IRF8: variants seen among roughly 807,000 people sequenced by gnomAD.
The protein encoded by IRF8 is interferon consensus sequence binding protein 1.
In IRF8, 14 loss-of-function variants were observed where a neutral mutation model predicts 48.7. The ratio of observed to expected loss-of-function variants is 0.29; its 90% CI spans 0.19 to 0.45. IRF8 has a LOEUF of 0.45. IRF8 is among the 20% of genes least tolerant of loss of function. The probability of loss-of-function intolerance (pLI) is 1.00; values close to 1 mark genes in which losing one functional copy is unlikely to be tolerated. For missense variants in IRF8, 493 were observed against 580.7 expected, an observed-to-expected ratio of 0.85 and a Z score of 1.55; for synonymous variants, 278 against 227.3, an observed-to-expected ratio of 1.22 and a Z score of -2.01.
chr16:85,899,598 T>A (rs1904760990), intron 1 of IRF8, among the ~76,000 whole-genome samples: 1 of 152,208 alleles, frequency 6.6e-6, no homozygotes, highest in African/African-American at 2.4e-5. Flanking sequence ...CGTGGAATAA[T>A]GCTTGGAGGG....
At chr16:85,920,544 G>A (rs1461932103) in intron 8 of IRF8, among the ~76,000 whole-genome samples, 2 of 152,120 alleles carry the variant, frequency 1.3e-5, no homozygotes, top group Non-Finnish European at 2.9e-5. Flanking sequence ...GGCAGTCTGG[G>A]CAGCTTTGAG....
intron 1 of IRF8, among the ~76,000 whole-genome samples, chr16:85,902,474 C>G (rs1016414099): frequency 1.3e-5 from 2 of 152,222 alleles, no homozygotes; most frequent in African/African-American, 4.8e-5. Context: ...AACTGCTGCT[C>G]TTATCACTGT....
At position 85,918,471 on chromosome 16, in the gene IRF8, C is replaced by A. The variant is rs1441582089; in HGVS notation, c.656C>A (p.Ala219Asp). 4.4e-6 allele frequency: 7 copies of A among 1,590,008 alleles called. No individual in the cohort carries two copies. The highest frequency in any genetic ancestry group is 6.0e-6 in the Non-Finnish European group (7 of 1,174,758). ...FYYGGKLVGQATTTCPEGCRL... is the reference protein window; with the variant it reads ...FYYGGKLVGQDTTTCPEGCRL... ...TATGGGGGCAAGCTGGTGGGCCAGG[C>A]CACCACCACCTGCCCCGAGGGCTGC... The change falls in exon 7 of 9, where the codon GCC (alanine) becomes GAC (aspartate). Residue 219 changes from alanine to aspartate, a missense_variant. Physicochemically the swap from Ala to Asp is moderately radical, Grantham distance 126 (BLOSUM62 -2). Coordinates refer to ENST00000268638, the MANE Select transcript of IRF8 (RefSeq NM_002163.4).
chr16:85,903,554 G>T, intron 2 of IRF8: 1 of 309,834 alleles, frequency 3.2e-6, no homozygotes, highest in Non-Finnish European at 6.2e-6. Context: ...TACCAGGGAA[G>T]GTTTCAGTCC....
At chr16:85,909,291 A>G in intron 3 of IRF8, 118 bp downstream of exon 3, 1 of 802,074 alleles carries the variant, frequency 1.2e-6, no homozygotes, top group Non-Finnish European at 2.1e-6. Flanking sequence ...CAGTTAAACA[A>G]AGCAGTTCTC....
intron 4 of IRF8, among the ~76,000 whole-genome samples, chr16:85,912,161 C>A (rs1026082901): frequency 6.6e-6 from 1 of 152,226 alleles, no homozygotes; most frequent in Admixed American, 6.5e-5. Flanking sequence ...GATAACCAAG[C>A]ATGTTCACAT....
At chr16:85,916,841 C>T (rs28631400) in intron 6 of IRF8, among the ~76,000 whole-genome samples, 9,749 of 152,060 alleles carry the variant, frequency 0.064, 998 homozygotes, top group African/African-American at 0.22. Context: ...TGAGGAAGAG[C>T]GAGACCAGCG....
At chr16:85,919,941 C>G (rs1023698338) in intron 7 of IRF8, among the ~76,000 whole-genome samples, 168 bp from the exon 8 acceptor site, 2 of 152,270 alleles carry the variant, frequency 1.3e-5, no homozygotes, top group African/African-American at 4.8e-5. Context: ...GCCAAACGAA[C>G]AGCTCCTTGC....
At chr16:85,906,999 G>C (rs1905025720) in intron 2 of IRF8, among the ~76,000 whole-genome samples, 1 of 152,086 alleles carries the variant, frequency 6.6e-6, no homozygotes, top group Non-Finnish European at 1.5e-5. Context: ...TGGTTTGCTG[G>C]TTTATTTCTT....
chr16:85,919,373 G>C (rs562143795), intron 7 of IRF8, among the ~76,000 whole-genome samples: 2 of 152,138 alleles, frequency 1.3e-5, no homozygotes, highest in Non-Finnish European at 2.9e-5. Flanking sequence ...CCTTCTCCAC[G>C]TCCCCATGCT....
chr16:85,921,081 C>CT, intron 8 of IRF8, 25 bp from the exon 9 acceptor site: 2 of 1,601,286 alleles, frequency 1.2e-6, no homozygotes, highest in Non-Finnish European at 8.5e-7. Flanking sequence ...GCCTCTGCCT[C>CT]TGACTTTCTG....
intron 5 of IRF8, 161 bp downstream of exon 5, chr16:85,913,397 C>T: frequency 1.5e-6 from 1 of 657,904 alleles, no homozygotes; most frequent in Non-Finnish European, 2.8e-6. Flanking sequence ...CCTGGTTTCC[C>T]AACATGAGGG....
chr16:85,912,593 G>A (rs1421932596), intron 4 of IRF8, among the ~76,000 whole-genome samples: 1 of 152,190 alleles, frequency 6.6e-6, no homozygotes, highest in Non-Finnish European at 1.5e-5. Context: ...TCTGTAGAAG[G>A]CTTTTCTGCT....
intron 2 of IRF8, 164 bp downstream of exon 2, chr16:85,903,353 A>G (rs755380993): frequency 3.4e-5 from 23 of 669,402 alleles, no homozygotes; most frequent in Non-Finnish European, 5.2e-5. Context: ...AGACATGTAC[A>G]TGAGCTGATT....
Position 85,903,029 on chromosome 16 carries a change from A to G in IRF8, c.14A>G (p.Asn5Ser), listed in dbSNP as rs1834775112. Reference protein sequence around the residue: MCDRNGGRRLRQWLI... With the variant: MCDRSGGRRLRQWLI... ...GTCTTTCCAAGGATGTGTGACCGGAATGGTGGTCGGCGGCTTCGACAGTGG... is the reference window on the plus strand; with the variant it reads ...GTCTTTCCAAGGATGTGTGACCGGAGTGGTGGTCGGCGGCTTCGACAGTGG... Residue 5 changes from asparagine (N) to serine (S), a missense_variant, in exon 2 of 9, where the codon AAT (asparagine) becomes AGT (serine). Coordinates refer to ENST00000268638, the MANE Select transcript of IRF8 (RefSeq NM_002163.4). 3.3e-5 allele frequency: 54 copies of G among 1,614,146 alleles called. No individual in the cohort carries two copies. Among genetic ancestry groups the G allele is most frequent in the Non-Finnish European group, 4.5e-5 (53 of 1,179,994 alleles).
intron 1 of IRF8, 87 bp downstream of exon 1, chr16:85,899,310 A>G (rs1904744684): frequency 6.6e-6 from 1 of 152,214 alleles, no homozygotes; most frequent in Non-Finnish European, 1.5e-5. Context: ...GTGGGGGTGG[A>G]ACTACCTACC....
chr16:85,905,034 C>A (rs925091652), intron 2 of IRF8, among the ~76,000 whole-genome samples: 1 of 152,092 alleles, frequency 6.6e-6, no homozygotes, highest in African/African-American at 2.4e-5. Context: ...TTAGTGGCAT[C>A]TCTGACCTCT....
In IRF8 at chr16:85,918,418, A is replaced by T. The variant is rs755125266; in HGVS notation, c.603A>T (p.Ala201=). 6.3e-7 allele frequency: 1 copy of T among 1,595,148 alleles called. No homozygotes were observed. Among genetic ancestry groups the T allele is most frequent in the South Asian group, 1.1e-5 (1 of 90,548 alleles). ...GYTTYDAHHS[A]FSQMVISFYY... ...TCATCGTGTCCCTCTTGTCCACAGC[A>T]TTCTCCCAGATGGTGATCAGCTTCT... is the stretch of plus-strand genomic sequence containing the variant. The change falls in exon 7 of 9, where the codon GCA becomes GCT. Residue 201 remains alanine (A), a splice_region_variant and synonymous_variant. Coordinates refer to ENST00000268638, the MANE Select transcript of IRF8 (RefSeq NM_002163.4).
At chr16:85,899,552 T>A (rs1188496138) in intron 1 of IRF8, among the ~76,000 whole-genome samples, 1 of 152,180 alleles carries the variant, frequency 6.6e-6, no homozygotes, top group Non-Finnish European at 1.5e-5. Flanking sequence ...CCCCCTATCT[T>A]GAAACGCGCT....
Sources: gnomAD v4.1 joint callset for allele counts (sites outside exome capture counted in the v4.1 genomes callset) on GRCh38, gnomAD v4.1.1 for gene constraint, MANE v1.5 for transcripts, NCBI Gene and HGNC (gene_info 2026-07-23, HGNC 2026-07-21) for gene names.